Variants in ADD1 observed in about 807,000 individuals in gnomAD.
The protein encoded by ADD1 is alpha-adducin.
ADD1 carries 24 observed loss-of-function variants against 80.5 expected under a neutral mutation model. The ratio of observed to expected loss-of-function variants is 0.30; its 90% CI spans 0.22 to 0.42. ADD1 has a LOEUF of 0.42. Ranked by LOEUF, ADD1 falls within the 10% of genes least tolerant of loss-of-function variation. The pLI is 1.00. For missense variants in ADD1, 948 were observed against 1,019.0 expected (o/e 0.93, Z 0.95); for synonymous variants, 373 against 393.8 (o/e 0.95, Z 0.63).
At chr4:2,851,398 G>A (rs910213891) in intron 1 of ADD1, among the ~76,000 whole-genome samples, 1 of 152,192 alleles carries the variant, frequency 6.6e-6, no homozygotes, top group Non-Finnish European at 1.5e-5. Flanking sequence ...CTGTCAGTGT[G>A]CTTTCTTTCC....
At chr4:2,896,515 T>C (rs1362347049) in intron 6 of ADD1, among the ~76,000 whole-genome samples, 2 of 152,170 alleles carry the variant, frequency 1.3e-5, no homozygotes, top group Non-Finnish European at 2.9e-5. Flanking sequence ...GACCTGATAT[T>C]GATGTTTTAA....
chr4:2,919,729 T>C (rs1739678980), intron 14 of ADD1, among the ~76,000 whole-genome samples: 2 of 152,118 alleles, frequency 1.3e-5, no homozygotes, highest in South Asian at 4.2e-4. Flanking sequence ...TTCTCTCTTT[T>C]CTTTTTTATT....
At chr4:2,925,061 A>G (rs1360804772) in intron 14 of ADD1, among the ~76,000 whole-genome samples, 7 of 152,226 alleles carry the variant, frequency 4.6e-5, no homozygotes, top group Non-Finnish European at 8.8e-5. Context: ...CAGAGCTGTC[A>G]GCAGGAGAAC....
At chr4:2,862,012 A>G (rs1368974696) in intron 1 of ADD1, among the ~76,000 whole-genome samples, 2 of 152,254 alleles carry the variant, frequency 1.3e-5, no homozygotes, top group African/African-American at 4.8e-5. Flanking sequence ...TGGCCCAGGG[A>G]AGCCAAAAGA....
At chr4:2,895,655 G>A (rs1429984031) in intron 6 of ADD1, among the ~76,000 whole-genome samples, 1 of 152,132 alleles carries the variant, frequency 6.6e-6, no homozygotes, top group Non-Finnish European at 1.5e-5. Context: ...TAGCTTCCAA[G>A]CTGCTCAGGA....
chr4:2,896,926 T>G (rs1286216932), intron 6 of ADD1, among the ~76,000 whole-genome samples: 2 of 151,884 alleles, frequency 1.3e-5, no homozygotes, highest in African/African-American at 4.8e-5. Flanking sequence ...ACCTGGCTAA[T>G]GTTTTTATTT....
At chr4:2,893,296 A>T (rs1734620542) in intron 4 of ADD1, among the ~76,000 whole-genome samples, 1 of 151,348 alleles carries the variant, frequency 6.6e-6, no homozygotes, top group Non-Finnish European at 1.5e-5. Context: ...AAAAAAAAGG[A>T]CATTCTGTTT....
At chr4:2,851,505 C>G (rs1301049094) in intron 1 of ADD1, among the ~76,000 whole-genome samples, 1 of 152,290 alleles carries the variant, frequency 6.6e-6, no homozygotes, top group Middle Eastern at 3.4e-3. Flanking sequence ...TTGTCTGTCT[C>G]TCCCTCTCTC....
intron 1 of ADD1, among the ~76,000 whole-genome samples, chr4:2,859,838 C>T (rs755148835): frequency 9.9e-5 from 15 of 151,976 alleles, no homozygotes; most frequent in Middle Eastern, 6.3e-3. Context: ...TCAGCAGCTG[C>T]GTTATTCATA....
intron 4 of ADD1, among the ~76,000 whole-genome samples, chr4:2,890,067 C>T (rs374963533): frequency 6.0e-4 from 91 of 150,550 alleles, no homozygotes; most frequent in African/African-American, 1.9e-3. Flanking sequence ...CGTGGTGGCG[C>T]GCACCTGTAA....
In ADD1 at chr4:2,880,451, ATTTC is replaced by A. The variant is rs1258827364; in HGVS notation, c.196-1435_196-1432del. Among the ~76,000 whole-genome samples the A allele has an allele frequency of 7.7e-3, 750 of 97,278 alleles. 6 individuals carry two copies. The highest frequency in any genetic ancestry group is 0.022 in the South Asian group (59 of 2,726). 63.8% of individuals were successfully genotyped at this position (97,278 alleles called of 152,430 possible). ...ATCATTTATAATTGTTTGACAAGAT[ATTTC>A]TTTCTTTCTTTTTTTTTTTTTTTTT... is the stretch of plus-strand genomic sequence containing the variant. On this transcript the variant is annotated intron_variant, in intron 2 of 15. Coordinates refer to ENST00000683351, the MANE Select transcript of ADD1 (RefSeq NM_001354761.2).
At chr4:2,921,278 C>T (rs1250584334) in intron 14 of ADD1, among the ~76,000 whole-genome samples, 1 of 152,138 alleles carries the variant, frequency 6.6e-6, no homozygotes, top group Non-Finnish European at 1.5e-5. Flanking sequence ...CAGGTGCACG[C>T]CAGCATGCCC....
chr4:2,915,072 C>A, intron 14 of ADD1, 32 bp downstream of exon 14: 1 of 1,580,832 alleles, frequency 6.3e-7, no homozygotes, highest in Non-Finnish European at 8.6e-7. Context: ...CACGGCCACT[C>A]CAGAAGGTGA....
At chr4:2,884,834 T>G (rs373466803) in intron 4 of ADD1, among the ~76,000 whole-genome samples, 168 bp downstream of exon 4, 2 of 152,238 alleles carry the variant, frequency 1.3e-5, no homozygotes, top group Non-Finnish European at 2.9e-5. Flanking sequence ...TCAGCCAGTT[T>G]GGGTTAAAAG....
In ADD1 at chr4:2,898,311, T is replaced by G. The variant is rs1347500759; in HGVS notation, c.869T>G (p.Leu290Arg). The change falls in exon 7 of 16, where the codon CTG (leucine) becomes CGG (arginine). Residue 290 changes from leucine (L) to arginine (R), a missense_variant. By Grantham distance (102) the Leu-to-Arg change is moderately radical. Coordinates refer to ENST00000683351, the MANE Select transcript of ADD1 (RefSeq NM_001354761.2). Reference sequence around the variant, plus strand: ...GAAAAAGTTTTGATTCAGAAAAATCTGGGGCCTAAAAGCAAGGTCAGTAGG... The same window carrying G: ...GAAAAAGTTTTGATTCAGAAAAATCGGGGGCCTAAAAGCAAGGTCAGTAGG... ...EEEKVLIQKN[L>R]GPKSKVLILR... 2 of 1,614,214 alleles carry G rather than the reference T, an allele frequency of 1.2e-6. No individual in the cohort carries two copies. Among genetic ancestry groups the G allele is most frequent in the Non-Finnish European group, 8.5e-7 (1 of 1,180,040 alleles).
At chr4:2,849,117 A>G (rs544162309) in intron 1 of ADD1, among the ~76,000 whole-genome samples, 1 of 152,144 alleles carries the variant, frequency 6.6e-6, no homozygotes, top group African/African-American at 2.4e-5. Flanking sequence ...CCAACTGTGT[A>G]TTTTCTCCAC....
intron 1 of ADD1, among the ~76,000 whole-genome samples, chr4:2,868,866 A>T (rs1328547723): frequency 6.6e-6 from 1 of 152,188 alleles, no homozygotes. Context: ...AGCGGGAAGC[A>T]TTCGAGTTGG....
At chr4:2,874,423 A>G (rs555599833) in intron 1 of ADD1, among the ~76,000 whole-genome samples, 3 of 152,134 alleles carry the variant, frequency 2.0e-5, no homozygotes, top group Non-Finnish European at 2.9e-5. Context: ...CCTGGCCAAC[A>G]TGGTGAAACG....
At chr4:2,851,295 C>T (rs753203224) in intron 1 of ADD1, among the ~76,000 whole-genome samples, 14 of 152,156 alleles carry the variant, frequency 9.2e-5, no homozygotes, top group African/African-American at 2.9e-4. Flanking sequence ...TTCTCATCTG[C>T]AGAAATAGGA....
Sources: gnomAD v4.1 joint callset for allele counts (sites outside exome capture counted in the v4.1 genomes callset) on GRCh38, gnomAD v4.1.1 for gene constraint, MANE v1.5 for transcripts, NCBI Gene and HGNC (gene_info 2026-07-23, HGNC 2026-07-21) for gene names.